ALKBH1: variants seen among roughly 807,000 people sequenced by gnomAD.
The protein encoded by ALKBH1 is nucleic acid dioxygenase ALKBH1.
ALKBH1 carries 31 observed loss-of-function variants against 36.6 expected under a neutral mutation model. The ratio of observed to expected loss-of-function variants is 0.85; its 90% CI spans 0.64 to 1.14. The LOEUF (loss-of-function observed/expected upper bound fraction) is 1.14. Among genes scored for constraint, ALKBH1 ranks in the 50% most tolerant of loss-of-function variants. The probability of loss-of-function intolerance (pLI) is 0.00; values close to 1 mark genes in which losing one functional copy is unlikely to be tolerated. For missense variants in ALKBH1, 490 were observed against 497.3 expected (o/e 0.99, Z 0.14); for synonymous variants, 183 against 186.6 (o/e 0.98, Z 0.16).
At position 77,672,870 on chromosome 14, in the gene ALKBH1, T is replaced by C. The variant is rs2080183669; in HGVS notation, c.*942A>G. Reference sequence around the variant, plus strand: ...GACAATAACAGCAGTGACTGGAATATTAAGAAATGTTCTCTCTTCTGTGAG... The same window carrying C: ...GACAATAACAGCAGTGACTGGAATACTAAGAAATGTTCTCTCTTCTGTGAG... On this transcript the variant is annotated 3_prime_UTR_variant, in exon 6 of 6. Coordinates refer to ENST00000216489, the MANE Select transcript of ALKBH1 (RefSeq NM_006020.3). 6.6e-6 allele frequency: 1 copy of C among 152,196 alleles called. No homozygotes were observed. The highest frequency in any genetic ancestry group is 2.1e-4 in the South Asian group (1 of 4,828). 9.4% of individuals were successfully genotyped at this position (152,196 alleles called of 1,614,324 possible).
intron 2 of ALKBH1, among the ~76,000 whole-genome samples, chr14:77,699,633 C>T (rs949756859): frequency 1.3e-5 from 2 of 152,118 alleles, no homozygotes; most frequent in Non-Finnish European, 2.9e-5. Context: ...CATCACAAGG[C>T]TAGCACACAT....
chr14:77,694,894 A>C lies in ALKBH1; in HGVS notation c.299T>G (p.Ile100Ser), dbSNP rs1223632947. The C allele has an allele frequency of 6.5e-7, 1 of 1,541,156 alleles. No individual in the cohort carries two copies. Residue 100 changes from isoleucine to serine, a missense_variant, in exon 3 of 6, where the codon ATT becomes AGT. Coordinates refer to ENST00000216489, the MANE Select transcript of ALKBH1 (RefSeq NM_006020.3). ...AYGLKGYPGFIFIPNPFLPGY... is the reference protein window; with the variant it reads ...AYGLKGYPGFSFIPNPFLPGY... ...TGGGAGGAAGGGGTTTGGGATAAAA[A>C]TAAACCCTATACAAAAGATGGGTGG...
intron 3 of ALKBH1, among the ~76,000 whole-genome samples, chr14:77,689,180 T>G (rs182259163): frequency 6.6e-6 from 1 of 152,314 alleles, no homozygotes; most frequent in East Asian, 1.9e-4. Context: ...GCCTAGCAGA[T>G]TTTTCCAATT....
intron 3 of ALKBH1, among the ~76,000 whole-genome samples, chr14:77,680,674 A>ACTCT (rs201552529): frequency 0.23 from 21,179 of 91,944 alleles, 1,862 homozygotes; most frequent in East Asian, 0.26. Context: ...GTGATTAACT[A>ACTCT]CTCTTTTTTT....
chr14:77,683,151 T>A, intron 3 of ALKBH1: 2 of 35,626 alleles, frequency 5.6e-5, no homozygotes, highest in Non-Finnish European at 1.3e-4. Context: ...TGTAAAGTCT[T>A]TTTTTTTTTT....
chr14:77,685,230 G>A (rs1380874182), intron 3 of ALKBH1, among the ~76,000 whole-genome samples: 2 of 151,736 alleles, frequency 1.3e-5, no homozygotes, highest in African/African-American at 4.8e-5. Flanking sequence ...ATCTCTTAAG[G>A]CTAGGAGTTC....
rs963542014 is a variant in ALKBH1, at chr14:77,672,644, G to C, written c.*1168C>G. ...ACAATTTTGGCACATCATGTTTGTA[G>C]AAAGGAGCACTTAATTCTCTTTCAA... On this transcript the variant is annotated 3_prime_UTR_variant, in exon 6 of 6. Transcript: ENST00000216489. The C allele has an allele frequency of 6.6e-6, 1 of 152,190 alleles. No homozygotes were observed. Among genetic ancestry groups the C allele is most frequent in the African/African-American group, 2.4e-5 (1 of 41,436 alleles). 9.4% of individuals were successfully genotyped at this position (152,190 alleles called of 1,614,324 possible).
At chr14:77,685,824 A>C (rs930947354) in intron 3 of ALKBH1, among the ~76,000 whole-genome samples, 3 of 152,202 alleles carry the variant, frequency 2.0e-5, no homozygotes, top group Admixed American at 2.0e-4. Flanking sequence ...TGACTGGTCC[A>C]GGGATGTAAA....
At chr14:77,696,263 T>C (rs2080326433) in intron 2 of ALKBH1, among the ~76,000 whole-genome samples, 3 of 152,014 alleles carry the variant, frequency 2.0e-5, no homozygotes, top group Admixed American at 2.0e-4. Flanking sequence ...ATCCTGCTTC[T>C]CTGCAACCTC....
At chr14:77,688,908 G>A (rs1010950071) in intron 3 of ALKBH1, among the ~76,000 whole-genome samples, 13 of 151,810 alleles carry the variant, frequency 8.6e-5, no homozygotes, top group Non-Finnish European at 1.8e-4. Flanking sequence ...TGCAACCACT[G>A]CATTTTCAGT....
chr14:77,706,527 T>C (rs77053990), intron 1 of ALKBH1, among the ~76,000 whole-genome samples: 174 of 152,318 alleles, frequency 1.1e-3, no homozygotes, highest in Non-Finnish European at 2.0e-3. Flanking sequence ...GTAACTTCTC[T>C]TAATTACTAC....
chr14:77,697,699 A>T (rs953758008), intron 2 of ALKBH1, among the ~76,000 whole-genome samples: 13 of 115,890 alleles, frequency 1.1e-4, no homozygotes, highest in African/African-American at 1.8e-4. Flanking sequence ...TGCTGTAATA[A>T]AAAAAAAAAA....
Position 77,682,106 on chromosome 14 carries a change from C to T in ALKBH1, c.456-2136G>A, listed in dbSNP as rs553707312. Among the ~76,000 whole-genome samples the T allele has an allele frequency of 1.5e-3, 234 of 152,126 alleles. 1 individual carries two copies. The highest frequency in any genetic ancestry group is 2.9e-4 in the Non-Finnish European group (20 of 67,994). On this transcript the variant is annotated intron_variant, in intron 3 of 5. Transcript: ENST00000216489. ...CCCTGACACAACAGGAGACAGATAA[C>T]TAATAATTTAGGGAAAAATATAAGG...
At chr14:77,681,513 C>G (rs1415434413) in intron 3 of ALKBH1, among the ~76,000 whole-genome samples, 3 of 152,214 alleles carry the variant, frequency 2.0e-5, no homozygotes, top group African/African-American at 4.8e-5. Context: ...TCTGTCCTCA[C>G]AGAGTTTACA....
At chr14:77,698,068 C>T (rs1205970656) in intron 2 of ALKBH1, among the ~76,000 whole-genome samples, 1 of 151,854 alleles carries the variant, frequency 6.6e-6, no homozygotes, top group Non-Finnish European at 1.5e-5. Flanking sequence ...GGAGAGGGGG[C>T]AATAAAGACA....
intron 3 of ALKBH1, chr14:77,683,162 TTTTTTTTTTACAAACAGTCCAGGGGTA>T: frequency 3.7e-6 from 2 of 533,480 alleles, no homozygotes; most frequent in Non-Finnish European, 3.4e-6. Flanking sequence ...TTTTTTTTTT[TTTTTTTTTTACAAACAGTCCAGGGGTA>T]TTTTAACACC....
At chr14:77,679,059 T>C (rs2080222305) in intron 4 of ALKBH1, among the ~76,000 whole-genome samples, 1 of 152,058 alleles carries the variant, frequency 6.6e-6, no homozygotes, top group Non-Finnish European at 1.5e-5. Context: ...TCAAGCGATC[T>C]TCCCACCTCA....
intron 2 of ALKBH1, among the ~76,000 whole-genome samples, chr14:77,703,619 C>G (rs1257018384): frequency 3.5e-5 from 3 of 86,790 alleles, no homozygotes; most frequent in African/African-American, 1.4e-4. Flanking sequence ...TTTTTTGAGA[C>G]AGAGTTTCCC....
chr14:77,691,014 T>C (rs1053374673), intron 3 of ALKBH1, among the ~76,000 whole-genome samples: 4 of 152,278 alleles, frequency 2.6e-5, no homozygotes, highest in Admixed American at 2.0e-4. Flanking sequence ...TTGGTCAGGC[T>C]GGTCTCGAAC....
Sources: gnomAD v4.1 joint callset for allele counts (sites outside exome capture counted in the v4.1 genomes callset) on GRCh38, gnomAD v4.1.1 for gene constraint, MANE v1.5 for transcripts, NCBI Gene and HGNC (gene_info 2026-07-23, HGNC 2026-07-21) for gene names.